PHF24: variants seen among roughly 807,000 people sequenced by gnomAD.
PHF24 encodes PHD finger protein 24, also known as Galpha inhibitory interacting protein.
A neutral mutation model predicts 42.6 loss-of-function variants in PHF24; 25 were observed. The ratio of observed to expected loss-of-function variants is 0.59; its 90% CI spans 0.43 to 0.82. PHF24 has a LOEUF of 0.82. Ranked by LOEUF, PHF24 falls within the 40% of genes least tolerant of loss-of-function variation. The pLI is 0.00. For missense variants in PHF24, 470 were observed against 538.1 expected (o/e 0.87, Z 1.25); for synonymous variants, 185 against 204.8 (o/e 0.90, Z 0.83).
the PHF24 span, among the ~76,000 whole-genome samples, chr9:34,952,375 C>T: frequency 1.3e-5 from 2 of 152,100 alleles, no homozygotes; most frequent in African/African-American, 4.8e-5. Flanking sequence ...TCATAGGTGA[C>T]CTAACTAAAT....
the PHF24 span, among the ~76,000 whole-genome samples, chr9:34,847,392 C>A: frequency 0.091 from 13,796 of 151,898 alleles, 1,388 homozygotes; most frequent in African/African-American, 0.26. Context: ...CATGATTTGG[C>A]TCTCTGTTTG....
chr9:34,825,123 C>T, the PHF24 span, among the ~76,000 whole-genome samples: 1 of 151,814 alleles, frequency 6.6e-6, no homozygotes, highest in Non-Finnish European at 1.5e-5. Flanking sequence ...CATGGTTTCC[C>T]GAGGATAACG....
chr9:34,832,404 C>G, the PHF24 span: 2 of 1,167,554 alleles, frequency 1.7e-6, no homozygotes, highest in East Asian at 2.6e-5. Flanking sequence ...GGAGTGTAAC[C>G]GAAGCTTATT....
the PHF24 span, among the ~76,000 whole-genome samples, chr9:34,803,583 G>T: frequency 6.6e-6 from 1 of 152,122 alleles, no homozygotes; most frequent in Non-Finnish European, 1.5e-5. Context: ...AAGCATAAAT[G>T]GTTCTGCTAT....
chr9:34,870,936 T>C, the PHF24 span, among the ~76,000 whole-genome samples: 1 of 152,224 alleles, frequency 6.6e-6, no homozygotes, highest in African/African-American at 2.4e-5. Context: ...TGTGTGGCTA[T>C]AAGTTTTCAA....
chr9:34,705,650 G>A, the PHF24 span, among the ~76,000 whole-genome samples: 3,423 of 152,344 alleles, frequency 0.022, 67 homozygotes, highest in Non-Finnish European at 0.031. Flanking sequence ...GGCTCAGTGA[G>A]AAGTGAAAAT....
chr9:34,768,155 A>T, the PHF24 span, among the ~76,000 whole-genome samples: 4 of 152,214 alleles, frequency 2.6e-5, no homozygotes, highest in Admixed American at 2.6e-4. Flanking sequence ...ACAAATGACA[A>T]GTTCAAAGAC....
the PHF24 span, among the ~76,000 whole-genome samples, chr9:34,787,790 C>T: frequency 6.6e-6 from 1 of 152,182 alleles, no homozygotes; most frequent in African/African-American, 2.4e-5. Flanking sequence ...TACTCCTCAA[C>T]CCACTCTTCC....
chr9:34,964,704 T>A (rs554756372), intron 1 of PHF24, among the ~76,000 whole-genome samples: 70 of 152,318 alleles, frequency 4.6e-4, no homozygotes, highest in African/African-American at 1.6e-3. Context: ...TGCCCACAAA[T>A]GTCTTACTGC....
chr9:34,910,497 A>G, the PHF24 span, among the ~76,000 whole-genome samples: 4 of 152,308 alleles, frequency 2.6e-5, no homozygotes, highest in South Asian at 6.2e-4. Context: ...GGTAGTACAA[A>G]TGTTAATTAG....
At chr9:34,685,933 C>T in the PHF24 span, among the ~76,000 whole-genome samples, 1 of 152,174 alleles carries the variant, frequency 6.6e-6, no homozygotes, top group Non-Finnish European at 1.5e-5. Flanking sequence ...CCAAACTGCC[C>T]AGACAGGAAC....
At chr9:34,811,188 C>G in the PHF24 span, among the ~76,000 whole-genome samples, 1 of 152,152 alleles carries the variant, frequency 6.6e-6, no homozygotes, top group African/African-American at 2.4e-5. Flanking sequence ...CTCATGAAAT[C>G]TGTTTTTCAC....
the PHF24 span, among the ~76,000 whole-genome samples, chr9:34,718,059 T>C: frequency 6.6e-6 from 1 of 152,178 alleles, no homozygotes; most frequent in Non-Finnish European, 1.5e-5. Context: ...ATACCCCAGC[T>C]GCTGGTACTA....
the PHF24 span, chr9:34,723,504 T>A: frequency 6.4e-7 from 1 of 1,551,834 alleles, no homozygotes; most frequent in Non-Finnish European, 8.7e-7. Flanking sequence ...TTTTCTTTTC[T>A]GGTTTTGGCC....
chr9:34,936,088 C>T, the PHF24 span, among the ~76,000 whole-genome samples: 6 of 151,594 alleles, frequency 4.0e-5, no homozygotes, highest in Non-Finnish European at 8.8e-5. Context: ...CTCCCTCTCC[C>T]TCTCTTTCCA....
the PHF24 span, among the ~76,000 whole-genome samples, chr9:34,857,645 G>A: frequency 6.6e-6 from 1 of 152,300 alleles, no homozygotes; most frequent in African/African-American, 2.4e-5. Flanking sequence ...CAGTCCCAAT[G>A]TGAAAACCTG....
chr9:34,667,456 A>G, the PHF24 span, among the ~76,000 whole-genome samples: 3 of 152,060 alleles, frequency 2.0e-5, no homozygotes, highest in Admixed American at 2.0e-4. Flanking sequence ...CACCACGTTC[A>G]CCCTTTCACT....
chr9:34,854,860 A>C, the PHF24 span, among the ~76,000 whole-genome samples: 6 of 152,138 alleles, frequency 3.9e-5, no homozygotes, highest in Admixed American at 1.3e-4. Flanking sequence ...TGATCGGTCT[A>C]ATATTGTCAG....
At chr9:34,749,307 C>T in the PHF24 span, among the ~76,000 whole-genome samples, 499 of 152,218 alleles carry the variant, frequency 3.3e-3, no homozygotes, top group Non-Finnish European at 5.7e-3. Context: ...GGCATAGTAA[C>T]AAAGAACTCC....
Sources: gnomAD v4.1 joint callset for allele counts (sites outside exome capture counted in the v4.1 genomes callset) on GRCh38, gnomAD v4.1.1 for gene constraint, MANE v1.5 for transcripts, NCBI Gene and HGNC (gene_info 2026-07-23, HGNC 2026-07-21) for gene names.